WBP1L: variants seen among roughly 807,000 people sequenced by gnomAD.
WBP1L encodes the protein WW domain binding protein 1 like.
Under a neutral mutation model 33.7 loss-of-function variants are expected in WBP1L, and 17 were observed. The observed-to-expected ratio is 0.50, with a 90% CI of 0.34 to 0.76. The LOEUF (loss-of-function observed/expected upper bound fraction) is 0.76. WBP1L is among the 30% of genes least tolerant of loss of function. WBP1L has a pLI of 0.01. For missense variants in WBP1L, 389 were observed against 469.4 expected, an observed-to-expected ratio of 0.83 and a Z score of 1.58; for synonymous variants, 173 against 190.8, an observed-to-expected ratio of 0.91 and a Z score of 0.77.
intron 2 of WBP1L, among the ~76,000 whole-genome samples, chr10:102,799,998 G>T (rs1393741857): frequency 1.3e-5 from 2 of 152,146 alleles, no homozygotes; most frequent in African/African-American, 2.4e-5. Flanking sequence ...TCCAGTGCAG[G>T]AGAGCACAAG....
At chr10:102,762,571 G>A (rs1843055100) in intron 1 of WBP1L, among the ~76,000 whole-genome samples, 1 of 152,118 alleles carries the variant, frequency 6.6e-6, no homozygotes, top group Non-Finnish European at 1.5e-5. Context: ...CTTCCACCCT[G>A]CAAAACTTGG....
intron 1 of WBP1L, among the ~76,000 whole-genome samples, chr10:102,768,371 GT>G (rs1192088947): frequency 0.01 from 123 of 12,230 alleles, 1 homozygote; most frequent in Non-Finnish European, 0.011. Flanking sequence ...TTAGTTTTTT[GT>G]TTTTTTTTTT....
At chr10:102,797,349 G>C (rs183536395) in intron 1 of WBP1L, among the ~76,000 whole-genome samples, 2 of 152,228 alleles carry the variant, frequency 1.3e-5, no homozygotes, top group East Asian at 3.9e-4. Flanking sequence ...CCCTCCTACC[G>C]GCTGAGGTTA....
Position 102,814,187 on chromosome 10 carries a change from CAGA to C in WBP1L, c.*860_*862del, listed in dbSNP as rs1590197618. The C allele has an allele frequency of 1.3e-5, 2 of 152,356 alleles. No individual in the cohort carries two copies. Among genetic ancestry groups the C allele is most frequent in the Admixed American group, 6.5e-5 (1 of 15,304 alleles). The allele number at this position is 152,356 out of a possible 1,614,324, so 9.4% of individuals were successfully genotyped here. ...TCAAAGAGCCTGCCTGCTGTTGAGC[CAGA>C]AGATGTCTCGTGTGAAGGCTGGGGT... is the stretch of plus-strand genomic sequence containing the variant. On this transcript the variant is annotated 3_prime_UTR_variant, in exon 4 of 4. Transcript: ENST00000448841.
At chr10:102,748,618 A>G (rs999543966) in intron 1 of WBP1L, among the ~76,000 whole-genome samples, 1 of 152,200 alleles carries the variant, frequency 6.6e-6, no homozygotes, top group Non-Finnish European at 1.5e-5. Flanking sequence ...ATGGACATTT[A>G]CTGAAATGTC....
At chr10:102,744,527 AT>A in intron 1 of WBP1L, 1 of 974,982 alleles carries the variant, frequency 1.0e-6, no homozygotes, top group Non-Finnish European at 1.2e-6. Context: ...TACACAGGCT[AT>A]TGAGTTGGCC....
At chr10:102,780,235 G>C (rs1843318652) in intron 1 of WBP1L, among the ~76,000 whole-genome samples, 1 of 152,188 alleles carries the variant, frequency 6.6e-6, no homozygotes, top group Non-Finnish European at 1.5e-5. Flanking sequence ...AATGCTTTTT[G>C]TGCTTAGATG....
intron 1 of WBP1L, chr10:102,776,481 T>A (rs1843265443): frequency 1.2e-6 from 2 of 1,602,806 alleles, no homozygotes; most frequent in Non-Finnish European, 1.7e-6. Context: ...TTTATTGTAC[T>A]ACTGCTTTGG....
intron 1 of WBP1L, among the ~76,000 whole-genome samples, chr10:102,759,076 G>T (rs1185232132): frequency 6.6e-6 from 1 of 152,186 alleles, no homozygotes; most frequent in Admixed American, 6.6e-5. Flanking sequence ...GGATGACTGT[G>T]GGCAGGCCTG....
chr10:102,758,891 G>A (rs962688680), intron 1 of WBP1L, among the ~76,000 whole-genome samples: 2 of 152,176 alleles, frequency 1.3e-5, no homozygotes, highest in Non-Finnish European at 2.9e-5. Flanking sequence ...ATACGTCAGC[G>A]TTTTCTTCTC....
chr10:102,751,073 T>C (rs1264389453), intron 1 of WBP1L, among the ~76,000 whole-genome samples: 3 of 151,710 alleles, frequency 2.0e-5, no homozygotes, highest in African/African-American at 7.3e-5. Flanking sequence ...TGATCTTGGC[T>C]CACTGCAACC....
chr10:102,788,126 T>A (rs1359968513), intron 1 of WBP1L, among the ~76,000 whole-genome samples: 1 of 146,840 alleles, frequency 6.8e-6, no homozygotes, highest in African/African-American at 2.5e-5. Context: ...ATCTTAACTT[T>A]CTTTCTTTCT....
At chr10:102,805,069 G>C (rs1255324030) in intron 2 of WBP1L, among the ~76,000 whole-genome samples, 1 of 152,032 alleles carries the variant, frequency 6.6e-6, no homozygotes, top group African/African-American at 2.4e-5. Context: ...ATTACTTGAA[G>C]CCAGGAGTTT....
At chr10:102,811,212 T>TG (rs1590195777) in intron 3 of WBP1L, among the ~76,000 whole-genome samples, 1 of 152,054 alleles carries the variant, frequency 6.6e-6, no homozygotes, top group East Asian at 1.9e-4. Flanking sequence ...AGGAGTCAGT[T>TG]ATAACGTGAG....
At position 102,755,492 on chromosome 10, in the gene WBP1L, A is replaced by G. The variant is rs192639537; in HGVS notation, c.90+11349A>G. On this transcript the variant is annotated intron_variant, in intron 1 of 3. Coordinates refer to ENST00000448841, the MANE Select transcript of WBP1L (RefSeq NM_001083913.2). ...CTGCAACCTCCGCCTCCTGGGTACA[A>G]GTGATTCTCCTGCCTCAGCTCCCTG... is the stretch of plus-strand genomic sequence containing the variant. Among the ~76,000 whole-genome samples, 563 of 152,026 alleles carry G rather than the reference A, an allele frequency of 3.7e-3. 8 individuals carry two copies. The highest frequency in any genetic ancestry group is 3.6e-3 in the Non-Finnish European group (242 of 67,986).
intron 1 of WBP1L, among the ~76,000 whole-genome samples, chr10:102,775,515 G>A (rs1003855354): frequency 1.3e-5 from 2 of 152,210 alleles, no homozygotes; most frequent in Non-Finnish European, 2.9e-5. Flanking sequence ...CAACTTGGAG[G>A]CTGCGGTGGG....
intron 2 of WBP1L, among the ~76,000 whole-genome samples, chr10:102,805,568 T>A (rs538786227): frequency 6.6e-6 from 1 of 152,216 alleles, no homozygotes; most frequent in South Asian, 2.1e-4. Context: ...AAGCAGATGC[T>A]GATTACCTAA....
At chr10:102,761,681 T>A (rs1843043992) in intron 1 of WBP1L, among the ~76,000 whole-genome samples, 1 of 151,992 alleles carries the variant, frequency 6.6e-6, no homozygotes, top group Non-Finnish European at 1.5e-5. Context: ...TGGTCTCAAT[T>A]TCCTGATCTC....
intron 1 of WBP1L, among the ~76,000 whole-genome samples, chr10:102,791,729 G>A (rs1341314611): frequency 2.6e-5 from 4 of 152,332 alleles, no homozygotes; most frequent in Non-Finnish European, 2.9e-5. Flanking sequence ...GATATTTGGT[G>A]TCCTGTGCTT....
Sources: allele counts gnomAD v4.1 joint callset (sites outside exome capture counted in the v4.1 genomes callset), GRCh38; gene constraint gnomAD v4.1.1; transcripts MANE v1.5; gene names NCBI Gene and HGNC (gene_info 2026-07-23, HGNC 2026-07-21).